PTGER3: variants seen among roughly 807,000 people sequenced by gnomAD.
PTGER3 encodes the protein prostaglandin E receptor 3, also known as prostaglandin E2 receptor EP3 subtype.
In PTGER3, 22 loss-of-function variants were observed where a neutral mutation model predicts 34.7. That is an observed-to-expected ratio of 0.63 (90% CI 0.45 to 0.91). The LOEUF (loss-of-function observed/expected upper bound fraction) is 0.91. PTGER3 is among the 40% of genes least tolerant of loss of function. The pLI is 0.00. For missense variants in PTGER3, 468 were observed against 519.4 expected, an observed-to-expected ratio of 0.90 and a Z score of 0.96; for synonymous variants, 241 against 230.1, an observed-to-expected ratio of 1.05 and a Z score of -0.43.
At chr1:70,859,126 C>T (rs1645873340) in intron 4 of PTGER3, among the ~76,000 whole-genome samples, 1 of 152,114 alleles carries the variant, frequency 6.6e-6, no homozygotes. Context: ...TCTCACTGTC[C>T]CCCACTTTCT....
At chr1:70,979,559 T>C (rs1654052466) in intron 2 of PTGER3, among the ~76,000 whole-genome samples, 1 of 152,146 alleles carries the variant, frequency 6.6e-6, no homozygotes, top group South Asian at 2.1e-4. Context: ...CCATCATTTC[T>C]AGTCCGGGGC....
intron 4 of PTGER3, among the ~76,000 whole-genome samples, chr1:70,943,503 T>A (rs542680407): frequency 6.6e-6 from 1 of 152,104 alleles, no homozygotes; most frequent in South Asian, 2.1e-4. Context: ...AGGAACAAGA[T>A]CTTCTGTCAG....
At chr1:70,867,460 C>T (rs1021733382) in intron 4 of PTGER3, among the ~76,000 whole-genome samples, 1 of 152,162 alleles carries the variant, frequency 6.6e-6, no homozygotes, top group Admixed American at 6.5e-5. Flanking sequence ...GTGGCTCACA[C>T]CTGTAATCCC....
At chr1:71,030,020 ACAG>A (rs1659274530) in intron 1 of PTGER3, among the ~76,000 whole-genome samples, 1 of 152,002 alleles carries the variant, frequency 6.6e-6, no homozygotes, top group South Asian at 2.1e-4. Context: ...GTCTGCCAAA[ACAG>A]CAGATGCTTT....
At chr1:70,859,675 C>A (rs1409091462) in intron 4 of PTGER3, among the ~76,000 whole-genome samples, 1 of 152,194 alleles carries the variant, frequency 6.6e-6, no homozygotes, top group African/African-American at 2.4e-5. Flanking sequence ...TAAGACCTTG[C>A]ATTCTTACAC....
chr1:71,005,804 G>C, intron 2 of PTGER3: 1 of 933,982 alleles, frequency 1.1e-6, no homozygotes, highest in Non-Finnish European at 1.3e-6. Context: ...ATGGCCTGTA[G>C]GTTTACCAGC....
intron 4 of PTGER3, among the ~76,000 whole-genome samples, chr1:70,909,349 G>A (rs1647015784): frequency 6.6e-6 from 1 of 152,098 alleles, no homozygotes; most frequent in Non-Finnish European, 1.5e-5. Flanking sequence ...AAGCATGAGA[G>A]GGAGACATAC....
chr1:70,886,342 A>C, intron 4 of PTGER3: 2 of 447,608 alleles, frequency 4.5e-6, no homozygotes, highest in South Asian at 1.6e-5. Flanking sequence ...TGAGAAACAA[A>C]TTTCTGTTGT....
intron 4 of PTGER3, among the ~76,000 whole-genome samples, chr1:70,886,091 C>T (rs1646493143): frequency 6.6e-6 from 1 of 152,152 alleles, no homozygotes; most frequent in Admixed American, 6.6e-5. Flanking sequence ...CCCTAATCCC[C>T]AGTGTGCTGA....
intron 4 of PTGER3, among the ~76,000 whole-genome samples, chr1:70,925,447 A>C (rs1460117832): frequency 6.6e-6 from 1 of 152,230 alleles, no homozygotes; most frequent in African/African-American, 2.4e-5. Context: ...AAATCATACA[A>C]GTGTAACAAG....
chr1:70,983,329 T>G (rs1654579603), intron 2 of PTGER3, among the ~76,000 whole-genome samples: 1 of 152,132 alleles, frequency 6.6e-6, no homozygotes, highest in Non-Finnish European at 1.5e-5. Flanking sequence ...TTGGGGATAT[T>G]TGGAAACATC....
intron 4 of PTGER3, among the ~76,000 whole-genome samples, chr1:70,883,665 A>G (rs1232283642): frequency 6.6e-6 from 1 of 152,212 alleles, no homozygotes; most frequent in Non-Finnish European, 1.5e-5. Flanking sequence ...AAATAATTCT[A>G]GTAACTAAAA....
Position 71,012,167 on chromosome 1 carries a change from C to T in PTGER3, c.1077+138G>A, listed in dbSNP as rs750769503. On this transcript the variant is annotated intron_variant, in intron 2 of 3. Transcript: ENST00000306666. ...TGCCTAAATTCACAGTAAGGTTTAG[C>T]GATATTTGTTACCAAAAGCTGTGCA... The T allele has an allele frequency of 3.2e-6, 5 of 1,569,124 alleles. No individual in the cohort carries two copies. In the Admixed American group the frequency reaches 5.3e-5, roughly 17 times the overall value.
chr1:70,906,386 G>T lies in PTGER3; in HGVS notation c.*23+47377C>A, dbSNP rs74089131. Among the ~76,000 whole-genome samples the T allele has an allele frequency of 2.9e-3, 448 of 152,316 alleles. 6 individuals carry two copies. The highest frequency in any genetic ancestry group is 0.01 in the African/African-American group (427 of 41,556). On this transcript the variant is annotated intron_variant, in intron 4 of 4. Coordinates refer to the PTGER3 transcript ENST00000370931. The stretch of plus-strand genomic sequence containing the variant: ...AGTATCACCTGGGGAACTTGAAAAA[G>T]TCATGGATGCCTACATTCTACCACA...
intron 1 of PTGER3, among the ~76,000 whole-genome samples, chr1:71,017,513 T>G (rs1191360226): frequency 6.6e-6 from 1 of 152,126 alleles, no homozygotes; most frequent in Non-Finnish European, 1.5e-5. Context: ...CCAAATCTCA[T>G]GTCAAATTCT....
intron 2 of PTGER3, among the ~76,000 whole-genome samples, chr1:70,982,014 A>T (rs967192392): frequency 1.3e-5 from 2 of 152,106 alleles, no homozygotes; most frequent in Admixed American, 6.5e-5. Flanking sequence ...TTTCTCCATG[A>T]ATACCTGGGG....
chr1:70,867,201 G>T (rs764689422), intron 4 of PTGER3, among the ~76,000 whole-genome samples: 3 of 152,208 alleles, frequency 2.0e-5, no homozygotes, highest in Admixed American at 6.5e-5. Context: ...AACTTGTCAT[G>T]CAAGGCTTTT....
At chr1:70,974,558 T>C (rs1029625807) in intron 2 of PTGER3, among the ~76,000 whole-genome samples, 170 bp from the exon 3 acceptor site, 3 of 152,200 alleles carry the variant, frequency 2.0e-5, no homozygotes, top group African/African-American at 7.2e-5. Flanking sequence ...CTCACACTTA[T>C]TTCCTCCTAC....
intron 4 of PTGER3, among the ~76,000 whole-genome samples, chr1:70,943,942 G>A (rs902872598): frequency 3.3e-5 from 5 of 151,300 alleles, no homozygotes. Context: ...GGCACTCCTT[G>A]CTCTTGGGTT....
Sources: gnomAD v4.1 joint callset for allele counts (sites outside exome capture counted in the v4.1 genomes callset) on GRCh38, gnomAD v4.1.1 for gene constraint, MANE v1.5 for transcripts, NCBI Gene and HGNC (gene_info 2026-07-23, HGNC 2026-07-21) for gene names.